The following SPOCK1 variants were observed in gnomAD, a reference collection of about 807,000 sequenced individuals.
The protein encoded by SPOCK1 is SPARC (osteonectin), cwcv and kazal like domains proteoglycan 1.
In SPOCK1, 23 loss-of-function variants were observed where a neutral mutation model predicts 55.3. The observed-to-expected ratio is 0.42, with a 90% CI of 0.30 to 0.59. SPOCK1 has a LOEUF of 0.59. Ranked by LOEUF, SPOCK1 falls within the 20% of genes least tolerant of loss-of-function variation. The pLI is 0.22. For missense variants in SPOCK1, 499 were observed against 552.5 expected, an observed-to-expected ratio of 0.90 and a Z score of 0.97; for synonymous variants, 226 against 221.0, an observed-to-expected ratio of 1.02 and a Z score of -0.20.
intron 2 of SPOCK1, among the ~76,000 whole-genome samples, chr5:137,414,800 A>G (rs7709281): frequency 1 from 151,906 of 152,072 alleles, 75,870 homozygotes; most frequent in Middle Eastern, 1. Context: ...AGCACCTAAG[A>G]TCTGGAGTTT....
chr5:137,165,218 C>T (rs755651502), intron 3 of SPOCK1, among the ~76,000 whole-genome samples: 4 of 152,172 alleles, frequency 2.6e-5, no homozygotes, highest in African/African-American at 7.2e-5. Flanking sequence ...TGGCTCAGAA[C>T]AGAAAGAAAG....
intron 4 of SPOCK1, among the ~76,000 whole-genome samples, chr5:137,119,595 T>G (rs1040908277): frequency 2.6e-5 from 4 of 152,182 alleles, no homozygotes; most frequent in Non-Finnish European, 5.9e-5. Context: ...ATCCCAGACG[T>G]GAAAGCATGT....
chr5:137,126,941 C>A (rs958899666), intron 4 of SPOCK1, among the ~76,000 whole-genome samples: 2 of 152,128 alleles, frequency 1.3e-5, no homozygotes, highest in South Asian at 4.1e-4. Flanking sequence ...TGATTGCTTA[C>A]AGTAAAATGA....
At chr5:137,072,704 C>T (rs947459219) in intron 5 of SPOCK1, among the ~76,000 whole-genome samples, 7 of 152,232 alleles carry the variant, frequency 4.6e-5, no homozygotes, top group African/African-American at 1.7e-4. Context: ...TTCTCTACCA[C>T]ACCACACTCT....
intron 2 of SPOCK1, among the ~76,000 whole-genome samples, chr5:137,284,789 A>T (rs1401582807): frequency 1.3e-5 from 2 of 152,160 alleles, no homozygotes; most frequent in Non-Finnish European, 2.9e-5. Context: ...CTCTTTGGGA[A>T]AGGAGGGGTG....
chr5:137,251,560 C>G (rs960265034), intron 3 of SPOCK1, among the ~76,000 whole-genome samples: 1 of 152,168 alleles, frequency 6.6e-6, no homozygotes, highest in Non-Finnish European at 1.5e-5. Flanking sequence ...TCCGATTTGA[C>G]AGAGCAGCCT....
chr5:137,318,232 C>G (rs1032809740), intron 2 of SPOCK1, among the ~76,000 whole-genome samples: 2 of 152,126 alleles, frequency 1.3e-5, no homozygotes, highest in African/African-American at 2.4e-5. Flanking sequence ...CCCGCTGCCT[C>G]CACAGTAAAG....
intron 3 of SPOCK1, among the ~76,000 whole-genome samples, chr5:137,149,399 G>T (rs1057471957): frequency 3.9e-5 from 6 of 152,060 alleles, no homozygotes; most frequent in African/African-American, 1.2e-4. Flanking sequence ...AGGTATTTGG[G>T]TTCTATTTCA....
At chr5:137,069,655 A>C (rs1212433090) in intron 5 of SPOCK1, among the ~76,000 whole-genome samples, 4 of 152,154 alleles carry the variant, frequency 2.6e-5, no homozygotes, top group Non-Finnish European at 5.9e-5. Context: ...CCTTTCATTC[A>C]GCACAGCGTG....
rs200135572 is a variant in SPOCK1 at position 137,168,506 on chromosome 5, G to GA, written c.233-27813dup. The stretch of plus-strand genomic sequence containing the variant: ...ATAAGGAGGTCAAACAACTCTAGAG[G>GA]AAAAAAATCTAATAATCTGATTGAA... On this transcript the variant is annotated intron_variant, in intron 3 of 10. Coordinates refer to ENST00000394945, the MANE Select transcript of SPOCK1 (RefSeq NM_004598.4). 3.3e-3 allele frequency among the ~76,000 whole-genome samples: 499 copies of GA among 151,968 alleles called. 3 individuals carry two copies. Among genetic ancestry groups the GA allele is most frequent in the African/African-American group, 0.011 (466 of 41,482 alleles).
At chr5:137,228,687 T>G (rs888444232) in intron 3 of SPOCK1, among the ~76,000 whole-genome samples, 1 of 152,080 alleles carries the variant, frequency 6.6e-6, no homozygotes, top group Non-Finnish European at 1.5e-5. Context: ...AATCATCTTC[T>G]CAAAATATTG....
intron 3 of SPOCK1, among the ~76,000 whole-genome samples, chr5:137,156,147 G>A (rs1432972964): frequency 6.6e-6 from 1 of 151,022 alleles, no homozygotes; most frequent in Admixed American, 6.6e-5. Context: ...CAGGTCCTGG[G>A]GGAGCAGGGT....
At chr5:137,006,918 T>A (rs1751261237) in intron 6 of SPOCK1, among the ~76,000 whole-genome samples, 1 of 152,216 alleles carries the variant, frequency 6.6e-6, no homozygotes, top group Admixed American at 6.5e-5. Flanking sequence ...CATTGTTGAA[T>A]TTTGCCGAAG....
chr5:137,427,083 G>A (rs563043494), intron 2 of SPOCK1, among the ~76,000 whole-genome samples: 6 of 152,254 alleles, frequency 3.9e-5, no homozygotes, highest in East Asian at 1.9e-4. Flanking sequence ...CAGGTCGAAC[G>A]GTTAAGAGAG....
intron 2 of SPOCK1, among the ~76,000 whole-genome samples, chr5:137,467,330 G>C (rs1753641355): frequency 6.6e-6 from 1 of 152,214 alleles, no homozygotes; most frequent in Non-Finnish European, 1.5e-5. Context: ...AATATTTGGG[G>C]ATGTTCTTAA....
chr5:137,125,787 A>C (rs1182730274), intron 4 of SPOCK1, among the ~76,000 whole-genome samples: 1 of 152,226 alleles, frequency 6.6e-6, no homozygotes, highest in Non-Finnish European at 1.5e-5. Context: ...GTACCTAAAA[A>C]TGTAAAAGCA....
At chr5:137,386,430 GTCA>G (rs1751600703) in intron 2 of SPOCK1, among the ~76,000 whole-genome samples, 1 of 76,032 alleles carries the variant, frequency 1.3e-5, no homozygotes, top group South Asian at 5.5e-4. Flanking sequence ...GAAGAACACA[GTCA>G]GAGGACTGAC....
At chr5:137,221,947 T>C (rs1026032087) in intron 3 of SPOCK1, among the ~76,000 whole-genome samples, 1 of 152,202 alleles carries the variant, frequency 6.6e-6, no homozygotes, top group Non-Finnish European at 1.5e-5. Flanking sequence ...TTTGTTTCTG[T>C]CTGATGAGAA....
intron 3 of SPOCK1, among the ~76,000 whole-genome samples, chr5:137,210,855 A>C (rs996300429): frequency 1.3e-5 from 2 of 152,244 alleles, no homozygotes; most frequent in Admixed American, 6.5e-5. Flanking sequence ...AATTGTCAGT[A>C]AACTTGGCCG....
Sources: gnomAD v4.1 joint callset for allele counts (sites outside exome capture counted in the v4.1 genomes callset) on GRCh38, gnomAD v4.1.1 for gene constraint, MANE v1.5 for transcripts, NCBI Gene and HGNC (gene_info 2026-07-23, HGNC 2026-07-21) for gene names.